The following C8orf34 variants were observed in gnomAD, a reference collection of about 807,000 sequenced individuals.
C8orf34 encodes the protein uncharacterized protein C8orf34.
In C8orf34, 65 loss-of-function variants were observed where a neutral mutation model predicts 68.3. The ratio of observed to expected loss-of-function variants is 0.95; its 90% CI spans 0.78 to 1.17. The LOEUF is 1.17. C8orf34 is among the 50% of genes most tolerant of loss of function. The pLI is 0.00. For missense variants in C8orf34, 664 were observed against 655.4 expected (o/e 1.01, Z -0.14); for synonymous variants, 244 against 241.2 (o/e 1.01, Z -0.11).
intron 8 of C8orf34, among the ~76,000 whole-genome samples, chr8:68,686,729 C>A (rs914168699): frequency 8.5e-5 from 13 of 152,216 alleles, no homozygotes; most frequent in Admixed American, 7.9e-4. Flanking sequence ...CAAGGATGTC[C>A]ACTTTCACCA....
intron 1 of C8orf34, among the ~76,000 whole-genome samples, chr8:68,391,816 G>C (rs1243001956): frequency 6.6e-6 from 1 of 152,112 alleles, no homozygotes; most frequent in East Asian, 1.9e-4. Flanking sequence ...TCGTGCTCTG[G>C]CTCTTAAAGA....
rs535512191 is a variant in C8orf34 at position 68,456,159 on chromosome 8, G to A, written c.607+9699G>A. Among the ~76,000 whole-genome samples the A allele has an allele frequency of 3.3e-4, 50 of 151,822 alleles. No individual in the cohort carries two copies. In the East Asian group the frequency reaches 8.7e-3, roughly 26 times the overall value. ...TAGTCCCACCTACTCGGGAGGCTGA[G>A]GCAGGAGAATCACTTGAACCCAGGA... On this transcript the variant is annotated intron_variant, in intron 3 of 13. Transcript: ENST00000518698.
chr8:68,680,875 C>T (rs543854211), intron 8 of C8orf34, among the ~76,000 whole-genome samples: 44 of 152,092 alleles, frequency 2.9e-4, no homozygotes, highest in Middle Eastern at 3.4e-3. Flanking sequence ...GAGACCAGGG[C>T]GTATCTCAGT....
intron 11 of C8orf34, among the ~76,000 whole-genome samples, chr8:68,784,692 A>G (rs1823791380): frequency 6.6e-6 from 1 of 152,184 alleles, no homozygotes. Context: ...ATGACCCAAT[A>G]CTGGCTTATG....
At chr8:68,421,979 T>C (rs1345797556) in intron 1 of C8orf34, among the ~76,000 whole-genome samples, 2 of 152,092 alleles carry the variant, frequency 1.3e-5, no homozygotes, top group Non-Finnish European at 2.9e-5. Flanking sequence ...TTCACTATCA[T>C]GAAAACAGAA....
intron 5 of C8orf34, among the ~76,000 whole-genome samples, chr8:68,508,443 A>C (rs1383857744): frequency 6.6e-6 from 1 of 152,184 alleles, no homozygotes; most frequent in Non-Finnish European, 1.5e-5. Flanking sequence ...TTTATTAGTC[A>C]ACACTCTACT....
chr8:68,597,061 A>G (rs1167727983), intron 7 of C8orf34, among the ~76,000 whole-genome samples: 1 of 152,040 alleles, frequency 6.6e-6, no homozygotes, highest in Non-Finnish European at 1.5e-5. Context: ...TTTATTTTTA[A>G]TTAAAGTAAT....
Position 68,787,428 on chromosome 8 carries a change from T to A in C8orf34, c.1456-15T>A. On this transcript the variant is annotated splice_polypyrimidine_tract_variant and intron_variant, in intron 11 of 13. Coordinates refer to ENST00000518698, the MANE Select transcript of C8orf34 (RefSeq NM_052958.4). ...AAAACAGAGTTTAATCTAAAATAAA[T>A]GTGTTCTTTTGCAGGATGAATCCTT... 6.3e-7 allele frequency: 1 copy of A among 1,589,020 alleles called. No homozygotes were observed. Among genetic ancestry groups the A allele is most frequent in the Non-Finnish European group, 8.6e-7 (1 of 1,160,324 alleles).
intron 1 of C8orf34, among the ~76,000 whole-genome samples, chr8:68,361,883 A>G (rs1807017279): frequency 6.6e-6 from 1 of 152,250 alleles, no homozygotes; most frequent in Non-Finnish European, 1.5e-5. Context: ...ATGATTTCTA[A>G]GCTTTACAAA....
chr8:68,593,084 C>T (rs4477005), intron 7 of C8orf34, among the ~76,000 whole-genome samples: 22,794 of 151,904 alleles, frequency 0.15, 2,470 homozygotes, highest in African/African-American at 0.31. Context: ...TCTATCGTTA[C>T]ATTTTCCTGA....
At chr8:68,580,054 A>G (rs1817017190) in intron 7 of C8orf34, among the ~76,000 whole-genome samples, 1 of 152,158 alleles carries the variant, frequency 6.6e-6, no homozygotes, top group African/African-American at 2.4e-5. Context: ...GGGGTATTAC[A>G]ATGCAAATTC....
At chr8:68,505,915 A>C (rs895353339) in intron 5 of C8orf34, among the ~76,000 whole-genome samples, 1 of 152,164 alleles carries the variant, frequency 6.6e-6, no homozygotes, top group Admixed American at 6.5e-5. Flanking sequence ...AGTTGTTATG[A>C]CTGTATCATG....
chr8:68,729,361 T>C (rs1474191914), intron 10 of C8orf34, among the ~76,000 whole-genome samples: 1 of 152,212 alleles, frequency 6.6e-6, no homozygotes, highest in Admixed American at 6.5e-5. Flanking sequence ...TTATACACAA[T>C]GAACATTGCC....
rs142252709 is a variant in C8orf34 at position 68,698,880 on chromosome 8, C to A, written c.1242-10114C>A. ...CAAGTTAGAGAAAGAAAAACACCAG[C>A]ATCCCCTGGTAGAGTCTTCCCCATT... is the stretch of plus-strand genomic sequence containing the variant. On this transcript the variant is annotated intron_variant, in intron 8 of 13. Coordinates refer to ENST00000518698, the MANE Select transcript of C8orf34 (RefSeq NM_052958.4). 6.6e-3 allele frequency among the ~76,000 whole-genome samples: 999 copies of A among 152,200 alleles called. 11 individuals are homozygous for A. Among genetic ancestry groups the A allele is most frequent in the African/African-American group, 0.023 (959 of 41,548 alleles).
At chr8:68,640,311 T>A (rs965892746) in intron 7 of C8orf34, 65 bp from the exon 8 acceptor site, 5 of 1,500,054 alleles carry the variant, frequency 3.3e-6, no homozygotes, top group Non-Finnish European at 3.7e-6. Context: ...CCTGAAAATA[T>A]GAATTTTTCT....
At chr8:68,713,254 C>T (rs1319179886) in intron 9 of C8orf34, among the ~76,000 whole-genome samples, 1 of 151,914 alleles carries the variant, frequency 6.6e-6, no homozygotes, top group Non-Finnish European at 1.5e-5. Flanking sequence ...TAAGGTCATA[C>T]CTCCTACCTC....
intron 7 of C8orf34, among the ~76,000 whole-genome samples, chr8:68,556,355 T>C (rs1816254904): frequency 6.6e-6 from 1 of 151,424 alleles, no homozygotes; most frequent in Non-Finnish European, 1.5e-5. Context: ...ACACAGCCAT[T>C]TTAAACAAGA....
At chr8:68,684,370 G>T (rs1037075412) in intron 8 of C8orf34, among the ~76,000 whole-genome samples, 2 of 152,108 alleles carry the variant, frequency 1.3e-5, no homozygotes, top group Non-Finnish European at 2.9e-5. Flanking sequence ...TCTTAAACAG[G>T]CATAAAGTAT....
At chr8:68,700,061 T>C (rs981405044) in intron 8 of C8orf34, among the ~76,000 whole-genome samples, 3 of 152,146 alleles carry the variant, frequency 2.0e-5, no homozygotes, top group Admixed American at 1.3e-4. Flanking sequence ...CATTCTACTA[T>C]CATCTTCATG....
Sources: gnomAD v4.1 joint callset for allele counts (sites outside exome capture counted in the v4.1 genomes callset) on GRCh38, gnomAD v4.1.1 for gene constraint, MANE v1.5 for transcripts, NCBI Gene and HGNC (gene_info 2026-07-23, HGNC 2026-07-21) for gene names.